ADAMTSL1: variants seen among roughly 807,000 people sequenced by gnomAD.
The protein encoded by ADAMTSL1 is ADAMTS-like protein 1.
Under a neutral mutation model 201.8 loss-of-function variants are expected in ADAMTSL1, and 126 were observed. That is an observed-to-expected ratio of 0.62 (90% CI 0.54 to 0.72). The LOEUF is 0.72. ADAMTSL1 is among the 30% of genes least tolerant of loss of function. The pLI is 0.00. For synonymous variants in ADAMTSL1, 1,121 were observed against 903.4 expected, an observed-to-expected ratio of 1.24 and a Z score of -4.32; for missense variants, 2,679 against 2,277.8, an observed-to-expected ratio of 1.18 and a Z score of -3.59.
intron 2 of ADAMTSL1, among the ~76,000 whole-genome samples, chr9:18,382,061 T>C (rs577733553): frequency 1.3e-5 from 2 of 152,320 alleles, no homozygotes; most frequent in Non-Finnish European, 2.9e-5. Flanking sequence ...AAGAGAATGA[T>C]AAAGCAGACT....
intron 15 of ADAMTSL1, among the ~76,000 whole-genome samples, chr9:18,745,079 T>G (rs1819056160): frequency 6.6e-6 from 1 of 152,234 alleles, no homozygotes; most frequent in Admixed American, 6.5e-5. Flanking sequence ...TTAATAAATA[T>G]GTAGCACTTA....
At chr9:17,991,688 T>C (rs1819156544) in intron 1 of ADAMTSL1, among the ~76,000 whole-genome samples, 1 of 152,194 alleles carries the variant, frequency 6.6e-6, no homozygotes. Context: ...AAAGAAAACG[T>C]GACTTGCATG....
Position 18,844,806 on chromosome 9 carries a change from A to G in ADAMTSL1, c.4249+14829A>G, listed in dbSNP as rs1228695916. On this transcript the variant is annotated intron_variant, in intron 23 of 28. Transcript: ENST00000380548. ...TTGATCTCAGACTGCCATGCTAGCAATCAGCAAGACTCTGTGGGCATAGGA... is the reference window on the plus strand; with the variant it reads ...TTGATCTCAGACTGCCATGCTAGCAGTCAGCAAGACTCTGTGGGCATAGGA... Among the ~76,000 whole-genome samples the G allele has an allele frequency of 3.9e-5, 6 of 152,292 alleles. No individual in the cohort carries two copies. The South Asian group carries it at 1.0e-3, about 26-fold the overall frequency.
At chr9:18,293,434 A>G (rs1833351614) in intron 2 of ADAMTSL1, among the ~76,000 whole-genome samples, 1 of 152,232 alleles carries the variant, frequency 6.6e-6, no homozygotes, top group Admixed American at 6.5e-5. Flanking sequence ...TTCAAAAATC[A>G]TATTAATTGA....
At chr9:18,344,958 C>G (rs901361778) in intron 2 of ADAMTSL1, among the ~76,000 whole-genome samples, 2 of 152,128 alleles carry the variant, frequency 1.3e-5, no homozygotes, top group African/African-American at 4.8e-5. Flanking sequence ...CTTTTGACAG[C>G]CCTGTGGATA....
intron 2 of ADAMTSL1, among the ~76,000 whole-genome samples, chr9:18,230,065 A>G (rs1423127898): frequency 1.3e-5 from 2 of 152,192 alleles, no homozygotes; most frequent in Non-Finnish European, 1.5e-5. Flanking sequence ...TAGGTAAGAT[A>G]AGAAAGAATT....
At chr9:18,111,403 T>C (rs2131882351) in intron 1 of ADAMTSL1, among the ~76,000 whole-genome samples, 1 of 152,304 alleles carries the variant, frequency 6.6e-6, no homozygotes. Context: ...ATCCATGTGC[T>C]TCTCATTTAT....
At chr9:18,254,017 C>G (rs1348830765) in intron 2 of ADAMTSL1, among the ~76,000 whole-genome samples, 1 of 152,132 alleles carries the variant, frequency 6.6e-6, no homozygotes, top group Non-Finnish European at 1.5e-5. Context: ...CCACTGTAGA[C>G]CAGATATCAT....
At chr9:18,510,187 C>T (rs1817947857) in intron 2 of ADAMTSL1, among the ~76,000 whole-genome samples, 1 of 152,048 alleles carries the variant, frequency 6.6e-6, no homozygotes, top group South Asian at 2.1e-4. Context: ...TTATTCTATT[C>T]CCAATATGAA....
rs554404553 is a variant in ADAMTSL1, at chr9:18,776,703, T to G, written c.2552-78T>G. 3 of 1,420,314 alleles carry G rather than the reference T, an allele frequency of 2.1e-6. No individual in the cohort carries two copies. In the African/African-American group the frequency reaches 4.3e-5, roughly 20 times the overall value. The allele number at this position is 1,420,314 out of a possible 1,614,324, so 88.0% of individuals were successfully genotyped here. A position where few individuals can be genotyped will look rare whatever the true frequency, so the allele number is the denominator to read the frequency against. ...ACTCTGGCTCTTTCCTTTGCCCCTCTCTCCTGGCTGCATCTCACTCTGGGT... is the reference window on the plus strand; with the variant it reads ...ACTCTGGCTCTTTCCTTTGCCCCTCGCTCCTGGCTGCATCTCACTCTGGGT... On this transcript the variant is annotated intron_variant, in intron 18 of 28. Coordinates refer to ENST00000380548, the MANE Select transcript of ADAMTSL1 (RefSeq NM_001040272.6).
chr9:18,155,076 G>A (rs1827091806), intron 1 of ADAMTSL1, among the ~76,000 whole-genome samples: 1 of 151,928 alleles, frequency 6.6e-6, no homozygotes, highest in Admixed American at 6.6e-5. Flanking sequence ...GTTGTGCCTT[G>A]AACATTTTGT....
At chr9:18,142,468 T>A (rs898410739) in intron 1 of ADAMTSL1, among the ~76,000 whole-genome samples, 1 of 152,196 alleles carries the variant, frequency 6.6e-6, no homozygotes, top group African/African-American at 2.4e-5. Context: ...CTGTTCTCCC[T>A]CCTTTGATCT....
At position 18,841,572 on chromosome 9, in the gene ADAMTSL1, T is replaced by C. The variant is rs573908055; in HGVS notation, c.4249+11595T>C. Among the ~76,000 whole-genome samples the C allele has an allele frequency of 2.6e-3, 388 of 152,010 alleles. 2 individuals are homozygous for C. The highest frequency in any genetic ancestry group is 9.0e-3 in the African/African-American group (372 of 41,470). ...CTCATAAAATGAGTTAGGGAGGATT[T>C]CCTCTTTTTCTATTGATTGGAATAG... On this transcript the variant is annotated intron_variant, in intron 23 of 28. Transcript: ENST00000380548.
chr9:18,328,116 A>G (rs1191264276), intron 2 of ADAMTSL1, among the ~76,000 whole-genome samples: 2 of 152,240 alleles, frequency 1.3e-5, no homozygotes, highest in African/African-American at 4.8e-5. Context: ...GCAGATTTTG[A>G]GAAGGAAACT....
chr9:18,623,135 A>G (rs1826137050), intron 5 of ADAMTSL1, among the ~76,000 whole-genome samples: 1 of 151,974 alleles, frequency 6.6e-6, no homozygotes, highest in African/African-American at 2.4e-5. Context: ...ACCTCAAGTG[A>G]TCCACCCGCC....
At chr9:18,387,561 A>G (rs1035520889) in intron 2 of ADAMTSL1, among the ~76,000 whole-genome samples, 16 of 152,202 alleles carry the variant, frequency 1.1e-4, no homozygotes, top group African/African-American at 2.9e-4. Flanking sequence ...CACTTAGTAT[A>G]TAACACCACT....
intron 1 of ADAMTSL1, among the ~76,000 whole-genome samples, chr9:18,024,767 CT>C (rs1820624762): frequency 6.6e-6 from 1 of 152,026 alleles, no homozygotes; most frequent in African/African-American, 2.4e-5. Context: ...ACTTATTTTC[CT>C]TTGGGCCTAT....
chr9:18,225,843 C>T (rs958555806), intron 2 of ADAMTSL1, among the ~76,000 whole-genome samples: 2 of 152,050 alleles, frequency 1.3e-5, no homozygotes, highest in Admixed American at 6.6e-5. Context: ...ACTTATCTTT[C>T]TTTCTTCTTG....
chr9:18,190,746 G>A (rs200597570), intron 2 of ADAMTSL1, among the ~76,000 whole-genome samples: 7 of 152,134 alleles, frequency 4.6e-5, no homozygotes, highest in East Asian at 3.9e-4. Context: ...GTTTGCTCCC[G>A]TCCATTTGAT....
Sources: gnomAD v4.1 joint callset for allele counts (sites outside exome capture counted in the v4.1 genomes callset) on GRCh38, gnomAD v4.1.1 for gene constraint, MANE v1.5 for transcripts, NCBI Gene and HGNC (gene_info 2026-07-23, HGNC 2026-07-21) for gene names.